NELL1: variants seen among roughly 807,000 people sequenced by gnomAD.
NELL1 encodes the protein protein kinase C-binding protein NELL1.
NELL1 carries 76 observed loss-of-function variants against 107.4 expected under a neutral mutation model. That is an observed-to-expected ratio of 0.71 (90% CI 0.59 to 0.86). The LOEUF (loss-of-function observed/expected upper bound fraction) is 0.86, where lower values mean the gene tolerates loss of function less well. Among genes scored for constraint, NELL1 ranks in the 40% least tolerant of loss-of-function variants. NELL1 has a pLI of 0.00. For missense variants in NELL1, 1,024 were observed against 1,005.5 expected (o/e 1.02, Z -0.25); for synonymous variants, 353 against 341.2 (o/e 1.03, Z -0.38).
chr11:21,043,902 A>G (rs1565030371), intron 12 of NELL1, among the ~76,000 whole-genome samples: 1 of 152,170 alleles, frequency 6.6e-6, no homozygotes, highest in Non-Finnish European at 1.5e-5. Flanking sequence ...CAAGATTTCT[A>G]TTTGGACCAT....
intron 14 of NELL1, among the ~76,000 whole-genome samples, chr11:21,328,654 C>T (rs1456170394): frequency 6.6e-6 from 1 of 152,154 alleles, no homozygotes; most frequent in Non-Finnish European, 1.5e-5. Flanking sequence ...AGACACTCAA[C>T]ACCAGCTCAT....
At chr11:21,443,295 A>G (rs1392719332) in intron 15 of NELL1, among the ~76,000 whole-genome samples, 10 of 152,192 alleles carry the variant, frequency 6.6e-5, no homozygotes. Context: ...CTCATGACCT[A>G]GTCAACTCTT....
intron 13 of NELL1, among the ~76,000 whole-genome samples, chr11:21,227,727 C>G (rs1439240334): frequency 1.3e-5 from 2 of 152,164 alleles, no homozygotes; most frequent in Admixed American, 1.3e-4. Flanking sequence ...ATCTTCTTTT[C>G]TCACCGTTTG....
chr11:21,223,638 G>T (rs999196071), intron 13 of NELL1, among the ~76,000 whole-genome samples: 6 of 152,082 alleles, frequency 3.9e-5, no homozygotes, highest in South Asian at 2.1e-4. Context: ...TATACCCTTT[G>T]CTCCTTTCTT....
chr11:20,896,732 G>T (rs902039545), intron 5 of NELL1, among the ~76,000 whole-genome samples: 1 of 152,116 alleles, frequency 6.6e-6, no homozygotes, highest in Non-Finnish European at 1.5e-5. Context: ...TACAAAATCA[G>T]TGTGCAGAAA....
intron 15 of NELL1, among the ~76,000 whole-genome samples, chr11:21,435,587 C>A (rs1194200428): frequency 6.7e-6 from 1 of 149,062 alleles, no homozygotes; most frequent in Non-Finnish European, 1.5e-5. Context: ...TTTTGTTCTT[C>A]ATTCTGTTGA....
At chr11:21,163,802 G>A (rs766694089) in intron 13 of NELL1, among the ~76,000 whole-genome samples, 22 of 151,914 alleles carry the variant, frequency 1.4e-4, no homozygotes, top group Non-Finnish European at 1.2e-4. Flanking sequence ...CATCATGAAA[G>A]TTTCAGCTTC....
chr11:21,141,745 A>G (rs920410633), intron 13 of NELL1, among the ~76,000 whole-genome samples: 1 of 146,270 alleles, frequency 6.8e-6, no homozygotes, highest in Non-Finnish European at 1.5e-5. Flanking sequence ...CTTTTTATTT[A>G]TTTATTTATT....
intron 1 of NELL1, chr11:20,674,641 G>A: frequency 1.1e-6 from 1 of 915,428 alleles, no homozygotes; most frequent in Admixed American, 2.0e-5. Flanking sequence ...TTTTCTTAAG[G>A]GCACAGGGTT....
At chr11:21,039,281 G>A (rs1002826016) in intron 12 of NELL1, among the ~76,000 whole-genome samples, 1 of 152,024 alleles carries the variant, frequency 6.6e-6, no homozygotes, top group Non-Finnish European at 1.5e-5. Flanking sequence ...TGCCTCCTGG[G>A]TTCAAGCAAT....
chr11:20,744,180 T>A (rs1855951927), intron 2 of NELL1, among the ~76,000 whole-genome samples: 1 of 152,170 alleles, frequency 6.6e-6, no homozygotes, highest in African/African-American at 2.4e-5. Context: ...TGTCCTCCAC[T>A]TACGCTCCAC....
At chr11:21,197,853 C>G (rs1857187889) in intron 13 of NELL1, among the ~76,000 whole-genome samples, 1 of 152,194 alleles carries the variant, frequency 6.6e-6, no homozygotes, top group Non-Finnish European at 1.5e-5. Context: ...ATATCATACC[C>G]TGAGCTTGGA....
At chr11:21,388,081 T>G (rs201369923) in intron 15 of NELL1, among the ~76,000 whole-genome samples, 928 of 21,876 alleles carry the variant, frequency 0.042, 4 homozygotes, top group South Asian at 0.12. Flanking sequence ...AATTCTATGT[T>G]TTTTTTTTTT....
intron 14 of NELL1, among the ~76,000 whole-genome samples, chr11:21,320,006 G>A (rs79090931): frequency 0.031 from 4,706 of 151,044 alleles, 118 homozygotes; most frequent in East Asian, 0.1. Context: ...GGAGAGTATA[G>A]GAATTGGGGA....
At chr11:21,075,948 C>G (rs1415400847) in intron 12 of NELL1, among the ~76,000 whole-genome samples, 3 of 152,112 alleles carry the variant, frequency 2.0e-5, no homozygotes, top group Non-Finnish European at 4.4e-5. Context: ...TCTATTAGAA[C>G]CTCTAACTAT....
intron 12 of NELL1, among the ~76,000 whole-genome samples, chr11:21,100,982 C>G (rs1854792586): frequency 7.1e-6 from 1 of 140,672 alleles, no homozygotes; most frequent in African/African-American, 2.7e-5. Flanking sequence ...AATGCTATCC[C>G]TCCCCACTCC....
At chr11:21,272,717 C>T (rs796761354) in intron 14 of NELL1, among the ~76,000 whole-genome samples, 8 of 152,196 alleles carry the variant, frequency 5.3e-5, no homozygotes, top group South Asian at 2.1e-4. Flanking sequence ...TCCAGAGGAA[C>T]GATCAGGCAG....
intron 14 of NELL1, among the ~76,000 whole-genome samples, chr11:21,309,617 A>G (rs1251938005): frequency 6.6e-6 from 1 of 151,998 alleles, no homozygotes; most frequent in Non-Finnish European, 1.5e-5. Flanking sequence ...CTACTGATAA[A>G]GACATACCTG....
chr11:21,469,411 A>C (rs1208080892), intron 15 of NELL1, among the ~76,000 whole-genome samples: 1 of 152,052 alleles, frequency 6.6e-6, no homozygotes, highest in South Asian at 2.1e-4. Flanking sequence ...AAAGTTCTAT[A>C]GCCTCAGTGG....
Sources: gnomAD v4.1 joint callset for allele counts (sites outside exome capture counted in the v4.1 genomes callset) on GRCh38, gnomAD v4.1.1 for gene constraint, MANE v1.5 for transcripts, NCBI Gene and HGNC (gene_info 2026-07-23, HGNC 2026-07-21) for gene names.